Variants in PSD3 observed in about 807,000 individuals in gnomAD.
PSD3 encodes PH and SEC7 domain-containing protein 3.
Under a neutral mutation model 105.5 loss-of-function variants are expected in PSD3, and 49 were observed. The ratio of observed to expected loss-of-function variants is 0.46; its 90% CI spans 0.37 to 0.59. The LOEUF (loss-of-function observed/expected upper bound fraction) is 0.59. Among genes scored for constraint, PSD3 ranks in the 20% least tolerant of loss-of-function variants. PSD3 has a pLI of 0.00. For synonymous variants in PSD3, 557 were observed against 457.8 expected, an observed-to-expected ratio of 1.22 and a Z score of -2.77; for missense variants, 1,561 against 1,263.8, an observed-to-expected ratio of 1.24 and a Z score of -3.57.
intron 9 of PSD3, among the ~76,000 whole-genome samples, chr8:18,721,849 G>A (rs368077353): frequency 1.3e-4 from 20 of 152,216 alleles, no homozygotes; most frequent in African/African-American, 4.3e-4. Flanking sequence ...AAAATGTGTT[G>A]CATTAAAAGT....
At chr8:18,623,404 G>C (rs914783049) in intron 11 of PSD3, among the ~76,000 whole-genome samples, 4 of 123,702 alleles carry the variant, frequency 3.2e-5, no homozygotes, top group Non-Finnish European at 4.7e-5. Flanking sequence ...TTGAGGCCAA[G>C]AGTTCAAGAC....
At chr8:18,940,160 T>G (rs1822437914) in intron 1 of PSD3, 2 of 152,232 alleles carry the variant, frequency 1.3e-5, no homozygotes. Flanking sequence ...CTGTGGGGCC[T>G]GCGAATCTGC....
chr8:18,722,123 T>C lies in PSD3; in HGVS notation c.2172+43326A>G, dbSNP rs939381233. 3.3e-5 allele frequency among the ~76,000 whole-genome samples: 5 copies of C among 151,650 alleles called. No individual in the cohort carries two copies. The East Asian group carries it at 5.8e-4, about 18-fold the overall frequency. ...CTTTCTCCCAGCTGCGGTATTGAACTTAAAAGTCTACTAGATCGGTGGGTG... is the reference window on the plus strand; with the variant it reads ...CTTTCTCCCAGCTGCGGTATTGAACCTAAAAGTCTACTAGATCGGTGGGTG... On this transcript the variant is annotated intron_variant, in intron 9 of 15. Transcript: ENST00000327040.
chr8:18,653,006 C>T (rs961359562), intron 10 of PSD3, among the ~76,000 whole-genome samples: 1 of 152,152 alleles, frequency 6.6e-6, no homozygotes, highest in Non-Finnish European at 1.5e-5. Flanking sequence ...TCAAATTTCT[C>T]CTGCAGAAAT....
chr8:18,793,792 G>C (rs1004540598), intron 8 of PSD3, among the ~76,000 whole-genome samples: 4 of 152,282 alleles, frequency 2.6e-5, no homozygotes, highest in African/African-American at 9.6e-5. Flanking sequence ...GACGATGAGA[G>C]GATAGCCTGC....
intron 2 of PSD3, among the ~76,000 whole-genome samples, chr8:18,903,931 G>A (rs1268553829): frequency 5.3e-5 from 8 of 152,150 alleles, no homozygotes; most frequent in Admixed American, 3.3e-4. Flanking sequence ...CCAAGAAGGC[G>A]GGGAGAGGGG....
At position 18,527,329 on chromosome 8, in the gene PSD3, T is replaced by C. The variant is rs565627605; in HGVS notation, c.*8414A>G. 8.5e-5 allele frequency: 13 copies of C among 152,812 alleles called. No homozygotes were observed. The East Asian group carries it at 2.3e-3, about 27-fold the overall frequency. 9.5% of individuals were successfully genotyped at this position (152,812 alleles called of 1,614,324 possible). ...GATTGAAATTTGTTGGATTTATTTC[T>C]TTCTAAAGTTTGTACATTTACATGT... is the stretch of plus-strand genomic sequence containing the variant. On this transcript the variant is annotated 3_prime_UTR_variant, in exon 16 of 16. Coordinates refer to ENST00000327040, the MANE Select transcript of PSD3 (RefSeq NM_015310.4).
At chr8:18,901,703 G>C (rs990736907) in intron 2 of PSD3, among the ~76,000 whole-genome samples, 3 of 152,102 alleles carry the variant, frequency 2.0e-5, no homozygotes, top group East Asian at 1.9e-4. Context: ...AGCACTTTTT[G>C]TAAGGTTGGC....
chr8:18,704,385 T>C (rs962357937), intron 9 of PSD3, among the ~76,000 whole-genome samples: 6 of 152,182 alleles, frequency 3.9e-5, no homozygotes, highest in Non-Finnish European at 8.8e-5. Context: ...TCGCACAGGC[T>C]GGAGTGCAGT....
intron 4 of PSD3, chr8:18,808,676 A>T: frequency 1.3e-6 from 2 of 1,568,772 alleles, no homozygotes; most frequent in African/African-American, 1.3e-5. Context: ...TTCACAGTTT[A>T]GGAGATTATT....
At chr8:19,053,483 A>G (rs1388421459) in intron 1 of PSD3, among the ~76,000 whole-genome samples, 1 of 152,214 alleles carries the variant, frequency 6.6e-6, no homozygotes, top group Non-Finnish European at 1.5e-5. Context: ...ATGAACTTGG[A>G]AAAACATCTG....
chr8:18,957,688 A>G (rs1480464348), intron 1 of PSD3, among the ~76,000 whole-genome samples: 1 of 152,234 alleles, frequency 6.6e-6, no homozygotes, highest in East Asian at 1.9e-4. Flanking sequence ...CATTTTGCCA[A>G]CATCCTCTCA....
rs5889837 is a variant in PSD3, at chr8:18,935,511, T to TAA, written c.130+521_130+522dup. The stretch of plus-strand genomic sequence containing the variant: ...GGTAGCATAGCCAGACCCTGTCTCT[T>TAA]AAAAAAAAAAAAAAAAGAAAAAAAG... On this transcript the variant is annotated intron_variant, in intron 2 of 15. Coordinates refer to ENST00000327040, the MANE Select transcript of PSD3 (RefSeq NM_015310.4). 2.2e-3 allele frequency among the ~76,000 whole-genome samples: 301 copies of TAA among 138,104 alleles called. 3 individuals carry two copies. The East Asian group carries it at 0.025, about 11-fold the overall frequency. The allele number at this position is 138,104 out of a possible 152,430, so 90.6% of individuals were successfully genotyped here.
At chr8:18,959,561 T>C (rs1428573513) in intron 1 of PSD3, among the ~76,000 whole-genome samples, 3 of 147,226 alleles carry the variant, frequency 2.0e-5, no homozygotes, top group Non-Finnish European at 3.0e-5. Context: ...ATCTCCTTGG[T>C]GTTCATGTCC....
chr8:18,633,580 G>A (rs939172914), intron 10 of PSD3, among the ~76,000 whole-genome samples: 4 of 152,106 alleles, frequency 2.6e-5, no homozygotes, highest in African/African-American at 9.7e-5. Flanking sequence ...CCGCTGCAAA[G>A]GACATGATTT....
chr8:18,768,467 C>T (rs1304414923), intron 8 of PSD3, among the ~76,000 whole-genome samples: 1 of 151,748 alleles, frequency 6.6e-6, no homozygotes, highest in Non-Finnish European at 1.5e-5. Flanking sequence ...TATGAAGGCA[C>T]GTGCTTTGCA....
chr8:19,006,011 A>G (rs1826660237), intron 1 of PSD3, among the ~76,000 whole-genome samples: 1 of 151,834 alleles, frequency 6.6e-6, no homozygotes, highest in South Asian at 2.1e-4. Flanking sequence ...TTTCAATACT[A>G]TAAAGGATAT....
At chr8:18,852,023 T>A (rs1815618262) in intron 4 of PSD3, among the ~76,000 whole-genome samples, 1 of 152,190 alleles carries the variant, frequency 6.6e-6, no homozygotes, top group African/African-American at 2.4e-5. Flanking sequence ...ACACAACAGT[T>A]TTAAACAAGA....
intron 1 of PSD3, among the ~76,000 whole-genome samples, chr8:19,051,226 C>T (rs1828517696): frequency 1.3e-5 from 2 of 151,874 alleles, no homozygotes; most frequent in Admixed American, 1.3e-4. Flanking sequence ...GATGCTCATT[C>T]CTTCCCATCT....
Sources: gnomAD v4.1 joint callset for allele counts (sites outside exome capture counted in the v4.1 genomes callset) on GRCh38, gnomAD v4.1.1 for gene constraint, MANE v1.5 for transcripts, NCBI Gene and HGNC (gene_info 2026-07-23, HGNC 2026-07-21) for gene names.